NRG3: variants seen among roughly 807,000 people sequenced by gnomAD.
NRG3 encodes the protein neuregulin 3, also known as pro-neuregulin-3, membrane-bound isoform.
In NRG3, 31 loss-of-function variants were observed where a neutral mutation model predicts 66.9. That is an observed-to-expected ratio of 0.46 (90% confidence interval 0.35 to 0.63). NRG3 has a LOEUF of 0.63. Among genes scored for constraint, NRG3 ranks in the 20% least tolerant of loss-of-function variants. NRG3 has a pLI of 0.00. For missense variants in NRG3, 910 were observed against 878.9 expected, an observed-to-expected ratio of 1.04 and a Z score of -0.45; for synonymous variants, 393 against 359.4, an observed-to-expected ratio of 1.09 and a Z score of -1.06.
intron 1 of NRG3, among the ~76,000 whole-genome samples, chr10:82,158,793 A>G (rs1359935346): frequency 6.6e-6 from 1 of 151,870 alleles, no homozygotes; most frequent in African/African-American, 2.4e-5. Flanking sequence ...GAATTGTACG[A>G]TTCTTAACCA....
chr10:82,215,072 TTCA>T (rs1222671773), intron 1 of NRG3, among the ~76,000 whole-genome samples: 3 of 152,126 alleles, frequency 2.0e-5, no homozygotes, highest in African/African-American at 7.2e-5. Flanking sequence ...ATCTCTGACA[TTCA>T]TCATTACAAT....
chr10:82,319,642 C>T (rs186686744), intron 1 of NRG3, among the ~76,000 whole-genome samples: 1 of 152,254 alleles, frequency 6.6e-6, no homozygotes, highest in East Asian at 1.9e-4. Flanking sequence ...TTTCTGGGAG[C>T]ATAAGTTGGG....
intron 1 of NRG3, among the ~76,000 whole-genome samples, chr10:82,282,007 A>C (rs2079146732): frequency 6.6e-6 from 1 of 152,062 alleles, no homozygotes. Context: ...TAATCCTAAT[A>C]CTATGTATTC....
At chr10:82,242,919 A>G (rs78295151) in intron 1 of NRG3, among the ~76,000 whole-genome samples, 3,717 of 152,298 alleles carry the variant, frequency 0.024, 110 homozygotes, top group African/African-American at 0.075. Flanking sequence ...TTCTACCTAC[A>G]GTCTGACCCT....
intron 1 of NRG3, among the ~76,000 whole-genome samples, chr10:82,008,748 AAATGTATTCATAATTT>A (rs1430023966): frequency 6.6e-6 from 1 of 152,154 alleles, no homozygotes; most frequent in African/African-American, 2.4e-5. Flanking sequence ...TAAAAGAAAA[AAATGTATTCATAATTT>A]AGAAAATGAT....
At chr10:82,321,872 C>T (rs1765642794) in intron 1 of NRG3, among the ~76,000 whole-genome samples, 2 of 152,118 alleles carry the variant, frequency 1.3e-5, no homozygotes, top group Admixed American at 1.3e-4. Flanking sequence ...CAGTTGTATT[C>T]TTGTTGGGCA....
At chr10:82,342,693 A>C (rs546084914) in intron 1 of NRG3, among the ~76,000 whole-genome samples, 1 of 152,206 alleles carries the variant, frequency 6.6e-6, no homozygotes, top group East Asian at 1.9e-4. Context: ...CATAGATTGC[A>C]AATATTTTCC....
At chr10:82,942,877 G>T (rs188009555) in intron 4 of NRG3, among the ~76,000 whole-genome samples, 1 of 152,144 alleles carries the variant, frequency 6.6e-6, no homozygotes, top group African/African-American at 2.4e-5. Context: ...AGGTCTGCTT[G>T]TATTACATCC....
chr10:81,932,954 A>C (rs1333056053), intron 1 of NRG3, among the ~76,000 whole-genome samples: 1 of 151,994 alleles, frequency 6.6e-6, no homozygotes, highest in Non-Finnish European at 1.5e-5. Flanking sequence ...TAAAAGTACA[A>C]GAAAGTTAGC....
intron 7 of NRG3, among the ~76,000 whole-genome samples, chr10:82,977,172 A>T (rs755048309): frequency 2.0e-5 from 3 of 152,108 alleles, no homozygotes; most frequent in African/African-American, 4.8e-5. Flanking sequence ...GGCCCCGCAG[A>T]CCCCATCATT....
chr10:82,362,331 A>ATG (rs1464046170), intron 2 of NRG3, among the ~76,000 whole-genome samples: 233 of 123,760 alleles, frequency 1.9e-3, no homozygotes, highest in Admixed American at 3.7e-3. Context: ...GTGTATATAT[A>ATG]TATGTGTGTG....
At chr10:82,840,847 T>A (rs1591686389) in intron 3 of NRG3, among the ~76,000 whole-genome samples, 1 of 152,140 alleles carries the variant, frequency 6.6e-6, no homozygotes, top group South Asian at 2.1e-4. Flanking sequence ...CGTGTCTTTT[T>A]TTTTCTGTAT....
chr10:82,620,833 C>T (rs1286299007), intron 2 of NRG3, among the ~76,000 whole-genome samples: 2 of 151,900 alleles, frequency 1.3e-5, no homozygotes, highest in African/African-American at 4.8e-5. Context: ...ACCACCAAGC[C>T]ATCCTATTCA....
chr10:82,897,848 A>G (rs773712736), intron 4 of NRG3, among the ~76,000 whole-genome samples: 1 of 152,224 alleles, frequency 6.6e-6, no homozygotes, highest in African/African-American at 2.4e-5. Flanking sequence ...TGTGTTAGGT[A>G]ATAATAGAAA....
chr10:82,495,811 G>GGCACACAC (rs142812063), intron 2 of NRG3, among the ~76,000 whole-genome samples: 1 of 144,790 alleles, frequency 6.9e-6, no homozygotes, highest in African/African-American at 2.6e-5. Context: ...TTAGAGTGCA[G>GGCACACAC]ACACACACAC....
chr10:82,647,558 T>C (rs2133860112), intron 2 of NRG3, among the ~76,000 whole-genome samples: 1 of 152,274 alleles, frequency 6.6e-6, no homozygotes, highest in South Asian at 2.1e-4. Context: ...TTTCTAGTTC[T>C]AGATCCCTGA....
chr10:82,123,005 G>GA (rs34900819), intron 1 of NRG3, among the ~76,000 whole-genome samples: 82,483 of 147,582 alleles, frequency 0.56, 23,767 homozygotes, highest in Non-Finnish European at 0.65. Context: ...CTTTGGCAGT[G>GA]AAAAAAAAAA....
chr10:82,839,828 T>C (rs2062966791), intron 3 of NRG3, among the ~76,000 whole-genome samples: 1 of 152,058 alleles, frequency 6.6e-6, no homozygotes, highest in African/African-American at 2.4e-5. Flanking sequence ...CAGTACTAAT[T>C]ATATTAAAAA....
intron 1 of NRG3, among the ~76,000 whole-genome samples, chr10:81,988,133 G>A (rs530010289): frequency 6.6e-6 from 1 of 152,292 alleles, no homozygotes; most frequent in South Asian, 2.1e-4. Context: ...AAAGGTGATA[G>A]TGTAGTGTTT....
Sources: allele counts gnomAD v4.1 joint callset (sites outside exome capture counted in the v4.1 genomes callset), GRCh38; gene constraint gnomAD v4.1.1; transcripts MANE v1.5; gene names NCBI Gene and HGNC (gene_info 2026-07-23, HGNC 2026-07-21).